The following GABRG3 variants were observed in gnomAD, a reference collection of about 807,000 sequenced individuals.
GABRG3 encodes gamma-aminobutyric acid receptor subunit gamma-3.
GABRG3 carries 25 observed loss-of-function variants against 48.8 expected under a neutral mutation model. That is an observed-to-expected ratio of 0.51 (90% confidence interval 0.37 to 0.72). The LOEUF is 0.72. Ranked by LOEUF, GABRG3 falls within the 30% of genes least tolerant of loss-of-function variation. The pLI is 0.00. For synonymous variants in GABRG3, 227 were observed against 217.6 expected (o/e 1.04, Z -0.38); for missense variants, 394 against 577.9 (o/e 0.68, Z 3.26).
chr15:27,323,566 A>G (rs543729658), intron 3 of GABRG3, among the ~76,000 whole-genome samples: 4 of 152,300 alleles, frequency 2.6e-5, no homozygotes, highest in African/African-American at 9.6e-5. Context: ...AATATAGCCT[A>G]TTACACATTT....
chr15:26,982,344 T>G (rs529975655), intron 2 of GABRG3, among the ~76,000 whole-genome samples: 1 of 152,172 alleles, frequency 6.6e-6, no homozygotes, highest in Non-Finnish European at 1.5e-5. Context: ...TAGGCTACAG[T>G]GAAGCACCTT....
At chr15:27,183,104 A>G (rs961733398) in intron 3 of GABRG3, among the ~76,000 whole-genome samples, 6 of 152,160 alleles carry the variant, frequency 3.9e-5, no homozygotes, top group Admixed American at 6.5e-5. Context: ...ATTATTTTAC[A>G]GATGACTTTT....
At chr15:27,202,990 A>G (rs1343382748) in intron 3 of GABRG3, among the ~76,000 whole-genome samples, 1 of 152,052 alleles carries the variant, frequency 6.6e-6, no homozygotes, top group African/African-American at 2.4e-5. Context: ...CTTCTAAAGT[A>G]TTTATTGTTC....
intron 5 of GABRG3, among the ~76,000 whole-genome samples, chr15:27,470,060 G>T (rs1186439680): frequency 6.6e-6 from 1 of 152,056 alleles, no homozygotes; most frequent in African/African-American, 2.4e-5. Flanking sequence ...GAAAAAACTT[G>T]CACATCAGTA....
rs777792659 is a variant in GABRG3 at position 27,209,953 on chromosome 15, CA to C, written c.271-116855del. On this transcript the variant is annotated intron_variant, in intron 3 of 9. Transcript: ENST00000615808. ...CGTCTGTGTGTCCCGATCTCCTTCT[CA>C]TAAGGACATCAGTTATATAGGGTCA... Among the ~76,000 whole-genome samples the C allele has an allele frequency of 5.3e-5, 8 of 152,304 alleles. No homozygotes were observed. The South Asian group carries it at 1.7e-3, about 32-fold the overall frequency.
chr15:27,245,104 T>C (rs1890232150), intron 3 of GABRG3, among the ~76,000 whole-genome samples: 1 of 152,140 alleles, frequency 6.6e-6, no homozygotes, highest in African/African-American at 2.4e-5. Flanking sequence ...GATGCATTGC[T>C]TTGACTGATG....
rs11857246 is a variant in GABRG3, at chr15:27,058,004, C to G, written c.270+31183C>G. On this transcript the variant is annotated intron_variant, in intron 3 of 9. Transcript: ENST00000615808. The stretch of plus-strand genomic sequence containing the variant: ...CTGGGAGGCGGCTTGTATACTCACT[C>G]TCACAGTGAATCTGCCGACAGTTCT... 8.8e-3 allele frequency among the ~76,000 whole-genome samples: 1,336 copies of G among 152,228 alleles called. 24 individuals are homozygous for G. Among genetic ancestry groups the G allele is most frequent in the African/African-American group, 0.03 (1,254 of 41,538 alleles).
In GABRG3 at chr15:27,439,395, C is replaced by T. The variant is rs149544319; in HGVS notation, c.575-41255C>T. Among the ~76,000 whole-genome samples, 466 of 152,286 alleles carry T rather than the reference C, an allele frequency of 3.1e-3. 6 individuals are homozygous for T. In the Middle Eastern group the frequency reaches 0.037, roughly 12 times the overall value. ...GGGCTAAAGCATGTAACTCTCATTT[C>T]CAGTAGATAATACACTGTTTGAAAT... On this transcript the variant is annotated intron_variant, in intron 5 of 9. Coordinates refer to ENST00000615808, the MANE Select transcript of GABRG3 (RefSeq NM_033223.5).
intron 3 of GABRG3, among the ~76,000 whole-genome samples, chr15:27,093,687 A>T (rs1182332314): frequency 6.6e-6 from 1 of 152,204 alleles, no homozygotes; most frequent in Non-Finnish European, 1.5e-5. Flanking sequence ...TTTGGCAACA[A>T]TATTTGGGCA....
Position 27,480,786 on chromosome 15 carries a change from A to G in GABRG3, c.711A>G (p.Ala237=). Residue 237 remains alanine, a splice_region_variant and synonymous_variant, in exon 6 of 10, where the codon GCA becomes GCG. Transcript: ENST00000615808. ...RNTTEIVTTS[A]GDYVVMTIYF... ...CCACAGAAATCGTGACAACGTCTGC[A>G]GGTAGGAATTTACTGAAAGAGGCAC... The G allele has an allele frequency of 1.2e-6, 2 of 1,613,664 alleles. No homozygotes were observed. The highest frequency in any genetic ancestry group is 1.7e-6 in the Non-Finnish European group (2 of 1,179,768).
At chr15:27,190,351 G>T (rs1888251271) in intron 3 of GABRG3, among the ~76,000 whole-genome samples, 1 of 152,128 alleles carries the variant, frequency 6.6e-6, no homozygotes, top group Admixed American at 6.5e-5. Flanking sequence ...GAATCCATCT[G>T]GTCCTGGACT....
intron 5 of GABRG3, among the ~76,000 whole-genome samples, chr15:27,377,329 A>G (rs1895629241): frequency 1.3e-5 from 2 of 152,164 alleles, no homozygotes; most frequent in South Asian, 4.1e-4. Flanking sequence ...ACCAATTTCC[A>G]AAGTCACTTC....
At position 27,192,420 on chromosome 15, in the gene GABRG3, G is replaced by A. The variant is rs1410600495; in HGVS notation, c.271-134389G>A. 7.9e-5 allele frequency among the ~76,000 whole-genome samples: 12 copies of A among 152,036 alleles called. No individual in the cohort carries two copies. The South Asian group carries it at 8.3e-4, about 11-fold the overall frequency. ...CCCGTATTTCTTGGAGGCTTTGTTCGTTTCTTTTTATTCTTTTTTCTCTAA... is the reference window on the plus strand; with the variant it reads ...CCCGTATTTCTTGGAGGCTTTGTTCATTTCTTTTTATTCTTTTTTCTCTAA... On this transcript the variant is annotated intron_variant, in intron 3 of 9. Coordinates refer to ENST00000615808, the MANE Select transcript of GABRG3 (RefSeq NM_033223.5).
chr15:27,341,031 A>G (rs1894157527), intron 5 of GABRG3: 1 of 496,678 alleles, frequency 2.0e-6, no homozygotes, highest in Non-Finnish European at 4.0e-6. Flanking sequence ...AGAAATAAAC[A>G]GACTTCAGAG....
At chr15:27,526,510 G>C (rs1891281182) in intron 7 of GABRG3, among the ~76,000 whole-genome samples, 1 of 152,174 alleles carries the variant, frequency 6.6e-6, no homozygotes, top group Non-Finnish European at 1.5e-5. Context: ...GACAGGTCCT[G>C]ATTTCTTGGG....
In GABRG3 at chr15:27,397,722, T is replaced by C. The variant is rs375041866; in HGVS notation, c.574+68834T>C. Among the ~76,000 whole-genome samples, 8 of 152,156 alleles carry C rather than the reference T, an allele frequency of 5.3e-5. No homozygotes were observed. The South Asian group carries it at 1.7e-3, about 32-fold the overall frequency. Reference sequence around the variant, plus strand: ...GCTAATATGAAGTAGAGGATTTTCGTGTGCAGGTATTTTTCTTGGTGTTTA... The same window carrying C: ...GCTAATATGAAGTAGAGGATTTTCGCGTGCAGGTATTTTTCTTGGTGTTTA... On this transcript the variant is annotated intron_variant, in intron 5 of 9. Transcript: ENST00000615808.
chr15:27,132,617 G>A (rs951093783), intron 3 of GABRG3, among the ~76,000 whole-genome samples: 2 of 149,406 alleles, frequency 1.3e-5, no homozygotes, highest in African/African-American at 4.9e-5. Context: ...GTATTTTCTT[G>A]TAATCCTTTT....
chr15:27,443,404 C>A (rs150159688), intron 5 of GABRG3, among the ~76,000 whole-genome samples: 1 of 152,174 alleles, frequency 6.6e-6, no homozygotes, highest in Admixed American at 6.5e-5. Context: ...ACAGGTCTTG[C>A]ACCACACATT....
chr15:27,419,204 C>A (rs1255822158), intron 5 of GABRG3: 2 of 152,266 alleles, frequency 1.3e-5, no homozygotes, highest in Non-Finnish European at 1.5e-5. Context: ...CCTCCTGCAC[C>A]TTCCAGCTCT....
Sources: gnomAD v4.1 joint callset for allele counts (sites outside exome capture counted in the v4.1 genomes callset) on GRCh38, gnomAD v4.1.1 for gene constraint, MANE v1.5 for transcripts, NCBI Gene and HGNC (gene_info 2026-07-23, HGNC 2026-07-21) for gene names.